Variants in APBB2 observed in about 807,000 individuals in gnomAD.
The protein encoded by APBB2 is amyloid beta precursor protein binding family B member 2, also known as Fe65-like 1.
A neutral mutation model predicts 82.5 loss-of-function variants in APBB2; 38 were observed. The ratio of observed to expected loss-of-function variants is 0.46; its 90% CI spans 0.36 to 0.60. APBB2 has a LOEUF of 0.60. Among genes scored for constraint, APBB2 ranks in the 20% least tolerant of loss-of-function variants. APBB2 has a pLI of 0.00. For synonymous variants in APBB2, 341 were observed against 368.2 expected (o/e 0.93, Z 0.85); for missense variants, 772 against 972.3 (o/e 0.79, Z 2.74).
chr4:41,147,022 C>T (rs983785579), intron 1 of APBB2, among the ~76,000 whole-genome samples: 2 of 152,166 alleles, frequency 1.3e-5, no homozygotes, highest in African/African-American at 2.4e-5. Flanking sequence ...CCATATATTC[C>T]CGTGACGGAT....
rs190525375 is a variant in APBB2, at chr4:40,848,515, A to C, written c.1530-17938T>G. Reference sequence around the variant, plus strand: ...CCCTCCCAGTTAATTGGCTCTGCTCAGGACCCCATCCCTCACTGGAGGTAG... The same window carrying C: ...CCCTCCCAGTTAATTGGCTCTGCTCCGGACCCCATCCCTCACTGGAGGTAG... On this transcript the variant is annotated intron_variant, in intron 12 of 17. Coordinates refer to ENST00000508593, the MANE Select transcript of APBB2 (RefSeq NM_004307.2). Among the ~76,000 whole-genome samples, 92 of 152,342 alleles carry C rather than the reference A, an allele frequency of 6.0e-4. 1 individual carries two copies. The highest frequency in any genetic ancestry group is 2.1e-3 in the Admixed American group (32 of 15,304).
At chr4:41,151,306 A>G (rs1321561298) in intron 1 of APBB2, among the ~76,000 whole-genome samples, 1 of 152,206 alleles carries the variant, frequency 6.6e-6, no homozygotes, top group Non-Finnish European at 1.5e-5. Flanking sequence ...TGTTCAACAG[A>G]ACTTTCTTCA....
At chr4:40,937,322 A>T (rs1023587901) in intron 7 of APBB2, among the ~76,000 whole-genome samples, 6 of 152,208 alleles carry the variant, frequency 3.9e-5, no homozygotes, top group African/African-American at 1.4e-4. Context: ...AGTATTTTCT[A>T]AAACAAGTAC....
At chr4:40,993,490 TC>T (rs1416269633) in intron 6 of APBB2, among the ~76,000 whole-genome samples, 1 of 150,768 alleles carries the variant, frequency 6.6e-6, no homozygotes, top group Non-Finnish European at 1.5e-5. Context: ...CTCAAGGAGA[TC>T]CTCCCACCTC....
At chr4:41,041,792 GCA>G (rs1397345251) in intron 4 of APBB2, among the ~76,000 whole-genome samples, 1 of 152,094 alleles carries the variant, frequency 6.6e-6, no homozygotes, top group Non-Finnish European at 1.5e-5. Context: ...AGAAAAATAT[GCA>G]CAGACAGAAA....
chr4:41,167,445 C>T (rs898407783), intron 1 of APBB2, among the ~76,000 whole-genome samples: 10 of 152,132 alleles, frequency 6.6e-5, no homozygotes, highest in African/African-American at 1.4e-4. Flanking sequence ...ATGATTAGCA[C>T]GTGAAAGACA....
Position 40,992,819 on chromosome 4 carries a change from C to T in APBB2, c.835+20764G>A, listed in dbSNP as rs114244751. Reference sequence around the variant, plus strand: ...TAAGACCGAGGCTCATGGGCAATGACGAACAAGCCAAACCACAGGGCCGGA... The same window carrying T: ...TAAGACCGAGGCTCATGGGCAATGATGAACAAGCCAAACCACAGGGCCGGA... On this transcript the variant is annotated intron_variant, in intron 6 of 17. Coordinates refer to ENST00000508593, the MANE Select transcript of APBB2 (RefSeq NM_004307.2). Among the ~76,000 whole-genome samples, 204 of 152,262 alleles carry T rather than the reference C, an allele frequency of 1.3e-3. 1 individual carries two copies. Among genetic ancestry groups the T allele is most frequent in the African/African-American group, 4.8e-3 (201 of 41,550 alleles).
Position 40,938,002 on chromosome 4 carries a change from C to T in APBB2, c.1045-2863G>A, listed in dbSNP as rs528867811. 1.1e-4 allele frequency among the ~76,000 whole-genome samples: 17 copies of T among 152,162 alleles called. No homozygotes were observed. The South Asian group carries it at 3.3e-3, about 30-fold the overall frequency. On this transcript the variant is annotated intron_variant, in intron 7 of 17. Transcript: ENST00000508593. ...AGAGATGAAGGAGGAAGAGGAGAGA[C>T]AAAGAGAAAAACATTAAAAGGGGAA...
chr4:41,068,853 T>G (rs1385594991), intron 3 of APBB2, among the ~76,000 whole-genome samples: 2 of 143,144 alleles, frequency 1.4e-5, no homozygotes, highest in African/African-American at 5.2e-5. Flanking sequence ...TGGAGTGCAG[T>G]GGCGTGATCT....
intron 4 of APBB2, among the ~76,000 whole-genome samples, chr4:41,043,987 G>A (rs1373576391): frequency 6.6e-6 from 1 of 152,196 alleles, no homozygotes; most frequent in Non-Finnish European, 1.5e-5. Context: ...TTGAAATTCA[G>A]TCTGTGGTGG....
chr4:40,829,872 C>T (rs1468522864), intron 13 of APBB2, among the ~76,000 whole-genome samples: 1 of 152,154 alleles, frequency 6.6e-6, no homozygotes, highest in Non-Finnish European at 1.5e-5. Flanking sequence ...CACTGTGTGT[C>T]CTCAGGAAGT....
rs557269182 is a variant in APBB2 at position 40,812,171 on chromosome 4, C to T, written c.*3921G>A. On this transcript the variant is annotated 3_prime_UTR_variant, in exon 18 of 18. Coordinates refer to ENST00000508593, the MANE Select transcript of APBB2 (RefSeq NM_004307.2). Reference sequence around the variant, plus strand: ...AGAAATATGTAGTAACTAATCAAAGCAAAATGCTCCATTACTAAAGTGATT... The same window carrying T: ...AGAAATATGTAGTAACTAATCAAAGTAAAATGCTCCATTACTAAAGTGATT... 1 of 152,144 alleles carries T rather than the reference C, an allele frequency of 6.6e-6. No homozygotes were observed. Among genetic ancestry groups the T allele is most frequent in the Non-Finnish European group, 1.5e-5 (1 of 68,014 alleles). 9.4% of individuals were successfully genotyped at this position (152,144 alleles called of 1,614,324 possible). A position where few individuals can be genotyped will look rare whatever the true frequency, so the allele number is the denominator to read the frequency against.
intron 6 of APBB2, among the ~76,000 whole-genome samples, chr4:40,985,384 G>A (rs780875304): frequency 1.3e-5 from 2 of 152,014 alleles, no homozygotes; most frequent in African/African-American, 2.4e-5. Flanking sequence ...GTTTAATTGA[G>A]TTACCTATGG....
chr4:40,898,822 AAAAAAAGAAAG>A (rs1774426771), intron 10 of APBB2, among the ~76,000 whole-genome samples: 1 of 148,106 alleles, frequency 6.8e-6, no homozygotes, highest in Admixed American at 6.9e-5. Context: ...CCATCTCAAA[AAAAAAAGAAAG>A]AAAAAAGAAA....
chr4:40,901,298 T>C (rs1179694770), intron 10 of APBB2, among the ~76,000 whole-genome samples: 2 of 152,196 alleles, frequency 1.3e-5, no homozygotes, highest in East Asian at 3.8e-4. Context: ...AGGTGGCCAC[T>C]ATTTTCTCAA....
rs1432556707 is a variant in APBB2, at chr4:40,901,364, G to GT, written c.1255-7954dup. Among the ~76,000 whole-genome samples the GT allele has an allele frequency of 2.0e-5, 3 of 150,618 alleles. No homozygotes were observed. In the East Asian group the frequency reaches 5.9e-4, roughly 30 times the overall value. On this transcript the variant is annotated intron_variant, in intron 10 of 17. Coordinates refer to ENST00000508593, the MANE Select transcript of APBB2 (RefSeq NM_004307.2). ...TAGCCAGCTATGCCAATCTAGTTTT[G>GT]TTTTTACAATTAATGACTGAGCATC...
At chr4:40,883,621 A>G (rs140722560) in intron 12 of APBB2, among the ~76,000 whole-genome samples, 4 of 151,560 alleles carry the variant, frequency 2.6e-5, no homozygotes, top group African/African-American at 7.3e-5. Context: ...GCTTAACTCT[A>G]CGGAACAGTA....
chr4:40,995,714 T>G (rs982919370), intron 6 of APBB2, among the ~76,000 whole-genome samples: 4 of 152,050 alleles, frequency 2.6e-5, no homozygotes, highest in African/African-American at 9.7e-5. Flanking sequence ...TTTTTTAATT[T>G]TACAGAGACA....
rs1035786159 is a variant in APBB2, at chr4:40,815,079, C to T, written c.*1013G>A. On this transcript the variant is annotated 3_prime_UTR_variant, in exon 18 of 18. Coordinates refer to ENST00000508593, the MANE Select transcript of APBB2 (RefSeq NM_004307.2). ...TGCAGAATTCCAGCAGAACGTTTAC[C>T]TCTAGCACATGGACTAGCAAAAATC... is the stretch of plus-strand genomic sequence containing the variant. The T allele has an allele frequency of 6.6e-6, 1 of 152,522 alleles. No homozygotes were observed. Among genetic ancestry groups the T allele is most frequent in the African/African-American group, 2.4e-5 (1 of 41,424 alleles). The allele number at this position is 152,522 out of a possible 1,614,324, so 9.4% of individuals were successfully genotyped here.
Sources: allele counts gnomAD v4.1 joint callset (sites outside exome capture counted in the v4.1 genomes callset), GRCh38; gene constraint gnomAD v4.1.1; transcripts MANE v1.5; gene names NCBI Gene and HGNC (gene_info 2026-07-23, HGNC 2026-07-21).